The following ULK2 variants were observed in gnomAD, a reference collection of about 807,000 sequenced individuals.
The protein encoded by ULK2 is unc-51 like autophagy activating kinase 2, also known as serine/threonine-protein kinase ULK2.
ULK2 carries 76 observed loss-of-function variants against 127.5 expected under a neutral mutation model. That is an observed-to-expected ratio of 0.60 (90% CI 0.50 to 0.72). The LOEUF (loss-of-function observed/expected upper bound fraction) is 0.72, where lower values mean the gene tolerates loss of function less well. Among genes scored for constraint, ULK2 ranks in the 30% least tolerant of loss-of-function variants. The probability of loss-of-function intolerance (pLI) is 0.00; values close to 1 mark genes in which losing one functional copy is unlikely to be tolerated. For missense variants in ULK2, 1,144 were observed against 1,295.9 expected (o/e 0.88, Z 1.80); for synonymous variants, 452 against 461.9 (o/e 0.98, Z 0.28).
chr17:19,795,046 T>G (rs1317490017), intron 20 of ULK2, among the ~76,000 whole-genome samples: 1 of 151,754 alleles, frequency 6.6e-6, no homozygotes, highest in African/African-American at 2.4e-5. Flanking sequence ...GCCACTGCCC[T>G]CCAACCTGGG....
chr17:19,826,102 C>G, intron 11 of ULK2, 37 bp downstream of exon 11: 1 of 1,287,550 alleles, frequency 7.8e-7, no homozygotes, highest in Non-Finnish European at 1.0e-6. Context: ...AGCTTGCATT[C>G]ATTCTTTAAG....
intron 13 of ULK2, 58 bp from the exon 14 acceptor site, chr17:19,810,496 A>G (rs573725766): frequency 9.0e-7 from 1 of 1,109,884 alleles, no homozygotes; most frequent in East Asian, 2.4e-5. Flanking sequence ...AAAAAACACA[A>G]ATTTGTTCCA....
In ULK2 at chr17:19,810,359, A is replaced by T. The variant is rs1266091421; in HGVS notation, c.1157+19T>A. On this transcript the variant is annotated intron_variant, in intron 14 of 26. Transcript: ENST00000395544. The stretch of plus-strand genomic sequence containing the variant: ...AAAATATAAAACAAATTTTAATAAG[A>T]TAATGTAAATATACATACCCTCCAC... The T allele has an allele frequency of 6.5e-7, 1 of 1,532,226 alleles. No individual in the cohort carries two copies. The highest frequency in any genetic ancestry group is 1.4e-5 in the African/African-American group (1 of 72,068). The allele number at this position is 1,532,226 out of a possible 1,614,324, so 94.9% of individuals were successfully genotyped here.
chr17:19,836,097 T>C (rs557754034), intron 10 of ULK2, among the ~76,000 whole-genome samples: 180 of 144,026 alleles, frequency 1.2e-3, no homozygotes, highest in Non-Finnish European at 2.3e-3. Flanking sequence ...CAAAAACCCA[T>C]CTCTACTAAA....
At chr17:19,812,452 C>G (rs969956556) in intron 13 of ULK2, among the ~76,000 whole-genome samples, 1 of 152,172 alleles carries the variant, frequency 6.6e-6, no homozygotes, top group East Asian at 1.9e-4. Context: ...TTTTAATACA[C>G]CTAACCTACC....
intron 3 of ULK2, among the ~76,000 whole-genome samples, chr17:19,863,961 T>C (rs948453068): frequency 6.6e-6 from 1 of 152,144 alleles, no homozygotes; most frequent in African/African-American, 2.4e-5. Context: ...TTGTTTTTAA[T>C]TTATTTTCTA....
intron 14 of ULK2, among the ~76,000 whole-genome samples, chr17:19,806,849 C>G (rs1048884279): frequency 1.6e-4 from 24 of 152,282 alleles, no homozygotes; most frequent in African/African-American, 5.5e-4. Context: ...GATAAGGCAG[C>G]CTGGCCACAC....
chr17:19,794,847 G>A (rs2087231217), intron 20 of ULK2, among the ~76,000 whole-genome samples: 1 of 152,096 alleles, frequency 6.6e-6, no homozygotes, highest in Non-Finnish European at 1.5e-5. Context: ...GGGAGGCTGA[G>A]ATGGGTGGAT....
rs1183090254 is a variant in ULK2 at position 19,849,374 on chromosome 17, A to C, written c.290T>G (p.Leu97Trp). 1 of 1,609,098 alleles carries C rather than the reference A, an allele frequency of 6.2e-7. No homozygotes were observed. Among genetic ancestry groups the C allele is most frequent in the Admixed American group, 1.7e-5 (1 of 59,632 alleles). ...TGACACACATACACAGTTACCTTGC[A>C]AATAATCTGCGAGGTCTCCACCATT... ...YCNGGDLADY[L>W]QAKGTLSEDT... is the part of the protein sequence containing the mutation. The change falls in exon 5 of 27, where the codon TTG (leucine) becomes TGG (tryptophan). Residue 97 changes from leucine (L) to tryptophan (W), a missense_variant. Around this residue, in one of 2 missense-constraint regions of ULK2, gnomAD observed 231 missense variants for 325.4 expected, o/e 0.71. Coordinates refer to ENST00000395544, the MANE Select transcript of ULK2 (RefSeq NM_014683.4).
chr17:19,786,104 TAGA>T lies in ULK2; in HGVS notation c.2102-21_2102-19del, dbSNP rs2087025447. 1 of 1,558,016 alleles carries T rather than the reference TAGA, an allele frequency of 6.4e-7. No individual in the cohort carries two copies. The highest frequency in any genetic ancestry group is 1.4e-5 in the African/African-American group (1 of 70,450). ...TGCCGGAGCTACAACAAAAAGTTTA[TAGA>T]AGGTCATATTACCCTGATAGTGTTT... On this transcript the variant is annotated intron_variant, in intron 20 of 26. Coordinates refer to ENST00000395544, the MANE Select transcript of ULK2 (RefSeq NM_014683.4).
In ULK2 at chr17:19,816,928, T is replaced by G. The variant is rs1312739429; in HGVS notation, c.925-8A>C. On this transcript the variant is annotated splice_region_variant and splice_polypyrimidine_tract_variant and intron_variant, in intron 12 of 26. Transcript: ENST00000395544. ...CTGCATATCTGGAAGGGACTAAAATTAACAACATAAAATTAAAACTGGTCT... is the reference window on the plus strand; with the variant it reads ...CTGCATATCTGGAAGGGACTAAAATGAACAACATAAAATTAAAACTGGTCT... The G allele has an allele frequency of 2.5e-6, 4 of 1,592,122 alleles. No homozygotes were observed. The East Asian group carries it at 9.1e-5, about 36-fold the overall frequency.
intron 20 of ULK2, among the ~76,000 whole-genome samples, chr17:19,789,943 T>G (rs571306729): frequency 1.3e-5 from 2 of 149,030 alleles, no homozygotes; most frequent in East Asian, 3.9e-4. Context: ...TAAGGGTTAT[T>G]GGCCTTAAGT....
At chr17:19,795,245 T>C (rs1216539631) in intron 20 of ULK2, among the ~76,000 whole-genome samples, 3 of 148,312 alleles carry the variant, frequency 2.0e-5, no homozygotes, top group African/African-American at 5.0e-5. Context: ...GGTTCAGGGG[T>C]CTCAGTGACC....
Position 19,865,758 on chromosome 17 carries a change from C to G in ULK2, c.161G>C (p.Gly54Ala). 1.3e-6 allele frequency: 2 copies of G among 1,539,712 alleles called. No individual in the cohort carries two copies. The highest frequency in any genetic ancestry group is 1.8e-6 in the Non-Finnish European group (2 of 1,123,086). ...KNLSKSQILL[G>A]KEIKILKELQ... ...TACCTTTAAGATTTTAATTTCCTTT[C>G]CAAGCAGTATTTGTGATTTTGACAA... is the stretch of plus-strand genomic sequence containing the variant. Residue 54 changes from glycine (G) to alanine (A), a missense_variant, in exon 2 of 27, where the codon GGA becomes GCA. Gly to Ala is a moderately conservative substitution (Grantham distance 60). This residue lies in a region of ULK2 where 231 missense variants were observed against 325.4 expected (regional missense o/e 0.71). Transcript: ENST00000395544.
intron 11 of ULK2, among the ~76,000 whole-genome samples, chr17:19,825,648 T>G (rs2041270094): frequency 6.6e-6 from 1 of 151,350 alleles, no homozygotes; most frequent in East Asian, 1.9e-4. Flanking sequence ...AAGCAGAGGT[T>G]GTACCACTGC....
rs1357677816 is a variant in ULK2 at position 19,867,429 on chromosome 17, CG to C, written c.-13del. 6.3e-7 allele frequency: 1 copy of C among 1,585,618 alleles called. No individual in the cohort carries two copies. The highest frequency in any genetic ancestry group is 8.6e-7 in the Non-Finnish European group (1 of 1,168,272). ...CCCACCACCTCCATGGCCGCGCCCCCGGGGCACACAGCGGACGGGCGGGCGG... is the reference window on the plus strand; with the variant it reads ...CCCACCACCTCCATGGCCGCGCCCCCGGGCACACAGCGGACGGGCGGGCGG... On this transcript the variant is annotated 5_prime_UTR_variant, in exon 1 of 27. Coordinates refer to ENST00000395544, the MANE Select transcript of ULK2 (RefSeq NM_014683.4).
chr17:19,798,644 A>T (rs1057112324), intron 17 of ULK2, among the ~76,000 whole-genome samples: 2 of 152,186 alleles, frequency 1.3e-5, no homozygotes, highest in Non-Finnish European at 2.9e-5. Flanking sequence ...TTAAAATCTT[A>T]TGGTCTGAAT....
Position 19,816,796 on chromosome 17 carries a change from G to T in ULK2, c.1049C>A (p.Thr350Lys). ...GTGTGGCACCAAAACAAAGTCATCC[G>T]TGTCACAAGAAGAGTTCTTGCTACT... is the stretch of plus-strand genomic sequence containing the variant. ...STSSKNSSCD[T>K]DDFVLVPHNI... is the part of the protein sequence containing the mutation. The change falls in exon 13 of 27, where the codon ACG becomes AAG. Residue 350 changes from threonine to lysine, a missense_variant. This residue lies in a region of ULK2 where 913 missense variants were observed against 970.5 expected (regional missense o/e 0.94). Transcript: ENST00000395544. The T allele has an allele frequency of 5.0e-6, 8 of 1,608,804 alleles. No homozygotes were observed. The highest frequency in any genetic ancestry group is 6.8e-6 in the Non-Finnish European group (8 of 1,178,500).
intron 10 of ULK2, among the ~76,000 whole-genome samples, chr17:19,829,005 T>C (rs1180995784): frequency 7.2e-5 from 11 of 152,102 alleles, no homozygotes; most frequent in Non-Finnish European, 1.5e-4. Context: ...GACACAGAGG[T>C]TGCAGTGAGC....
Sources: gnomAD v4.1 joint callset for allele counts (sites outside exome capture counted in the v4.1 genomes callset) on GRCh38, gnomAD v4.1.1 for gene constraint, gnomAD v4.1.1 regional missense constraint, MANE v1.5 for transcripts, NCBI Gene and HGNC (gene_info 2026-07-23, HGNC 2026-07-21) for gene names.